CREBRF: variants seen among roughly 807,000 people sequenced by gnomAD.
The protein encoded by CREBRF is CREB3 regulatory factor, also known as UPF0474 protein C5orf41.
A neutral mutation model predicts 66.1 loss-of-function variants in CREBRF; 5 were observed. That is an observed-to-expected ratio of 0.08 (90% CI 0.04 to 0.16). CREBRF has a LOEUF of 0.16. Ranked by LOEUF, CREBRF falls within the 10% of genes least tolerant of loss-of-function variation. The pLI is 1.00. For missense variants in CREBRF, 531 were observed against 744.9 expected (o/e 0.71, Z 3.34); for synonymous variants, 229 against 264.4 (o/e 0.87, Z 1.30).
Position 173,112,233 on chromosome 5 carries a change from T to C in CREBRF, c.1608-73T>C, listed in dbSNP as rs185313741. On this transcript the variant is annotated intron_variant, in intron 6 of 8. Transcript: ENST00000296953. ...AGCCTGGGCAACATAGCGAGACCCCTTCTCCGTAATTAAAAATAATAAAAT... is the reference window on the plus strand; with the variant it reads ...AGCCTGGGCAACATAGCGAGACCCCCTCTCCGTAATTAAAAATAATAAAAT... 646 of 1,102,344 alleles carry C rather than the reference T, an allele frequency of 5.9e-4. 3 individuals carry two copies. In the African/African-American group the frequency reaches 9.7e-3, roughly 17 times the overall value. The allele number at this position is 1,102,344 out of a possible 1,614,324, so 68.3% of individuals were successfully genotyped here. A position where few individuals can be genotyped will look rare whatever the true frequency, so the allele number is the denominator to read the frequency against.
chr5:173,113,841 A>G (rs891993314), intron 7 of CREBRF, among the ~76,000 whole-genome samples: 3 of 152,100 alleles, frequency 2.0e-5, no homozygotes, highest in Admixed American at 2.0e-4. Context: ...GGGGTATGGG[A>G]AGCTCTGGTT....
chr5:173,092,320 G>T, intron 4 of CREBRF: 2 of 981,904 alleles, frequency 2.0e-6, no homozygotes, highest in Non-Finnish European at 2.4e-6. Flanking sequence ...CTGTAATTTG[G>T]TGAGCATGAA....
intron 2 of CREBRF, among the ~76,000 whole-genome samples, chr5:173,082,022 T>TTTTTGTTTG (rs1340788555): frequency 2.2e-5 from 3 of 134,488 alleles, no homozygotes; most frequent in Non-Finnish European, 4.8e-5. Context: ...TTTTTTTTTT[T>TTTTTGTTTG]TTTTTTTTTG....
At chr5:173,066,982 T>G (rs1757454923) in intron 1 of CREBRF, among the ~76,000 whole-genome samples, 1 of 151,858 alleles carries the variant, frequency 6.6e-6, no homozygotes, top group South Asian at 2.1e-4. Flanking sequence ...CCTGATTAAT[T>G]TTTGATTTTT....
intron 4 of CREBRF, chr5:173,092,307 A>T: frequency 1.0e-6 from 1 of 982,380 alleles, no homozygotes; most frequent in Non-Finnish European, 1.2e-6. Context: ...AGAAAAATAC[A>T]TGCTGTAATT....
intron 8 of CREBRF, among the ~76,000 whole-genome samples, chr5:173,126,472 G>A (rs1269668185): frequency 6.6e-6 from 1 of 152,086 alleles, no homozygotes; most frequent in South Asian, 2.1e-4. Context: ...GCTTGCTCCT[G>A]TCCTGCAAGA....
intron 1 of CREBRF, chr5:173,060,573 A>T (rs1317497223): frequency 6.6e-6 from 1 of 152,106 alleles, no homozygotes; most frequent in East Asian, 1.9e-4. Context: ...GCTTGTTTCC[A>T]AGTAGGGTTG....
chr5:173,109,752 C>T (rs959283283), intron 5 of CREBRF: 1 of 152,270 alleles, frequency 6.6e-6, no homozygotes, highest in African/African-American at 2.4e-5. Context: ...AGAATTCCAT[C>T]TGATGTATGT....
intron 4 of CREBRF, chr5:173,092,156 A>G: frequency 1.1e-6 from 1 of 917,220 alleles, no homozygotes; most frequent in Non-Finnish European, 1.3e-6. Flanking sequence ...GAGATAAGTT[A>G]GGAGTATATA....
chr5:173,119,993 A>G (rs1759100644), intron 7 of CREBRF, among the ~76,000 whole-genome samples: 1 of 152,090 alleles, frequency 6.6e-6, no homozygotes, highest in Non-Finnish European at 1.5e-5. Flanking sequence ...CTTCCTTTTT[A>G]TATTGGAATC....
At chr5:173,074,724 G>A (rs1340688018) in intron 1 of CREBRF, among the ~76,000 whole-genome samples, 12 of 152,108 alleles carry the variant, frequency 7.9e-5, no homozygotes, top group Non-Finnish European at 1.5e-4. Flanking sequence ...TGGGGTTCAA[G>A]TGATTCTCCT....
At chr5:173,099,891 G>T in intron 4 of CREBRF, among the ~76,000 whole-genome samples, 2 of 146,436 alleles carry the variant, frequency 1.4e-5, no homozygotes, top group Non-Finnish European at 1.5e-5. Context: ...TTTATATATA[G>T]CTTTTTTTTT....
intron 3 of CREBRF, among the ~76,000 whole-genome samples, chr5:173,087,757 G>A (rs933716566): frequency 6.6e-6 from 1 of 152,028 alleles, no homozygotes; most frequent in African/African-American, 2.4e-5. Context: ...AGGCCGAGGC[G>A]GGTGGATCAC....
chr5:173,106,759 ATTT>A (rs1758760640), intron 4 of CREBRF, among the ~76,000 whole-genome samples: 3 of 151,138 alleles, frequency 2.0e-5, no homozygotes, highest in African/African-American at 7.3e-5. Flanking sequence ...ATTTTATTTT[ATTT>A]TATTGAGATG....
At chr5:173,085,976 A>C in intron 2 of CREBRF, 2 of 1,502,902 alleles carry the variant, frequency 1.3e-6, no homozygotes, top group South Asian at 2.2e-5. Context: ...TGAAAAACAG[A>C]CTAGAAATAC....
At chr5:173,101,380 C>T (rs1189336532) in intron 4 of CREBRF, among the ~76,000 whole-genome samples, 1 of 151,914 alleles carries the variant, frequency 6.6e-6, no homozygotes, top group Non-Finnish European at 1.5e-5. Flanking sequence ...TCTTTCAGCA[C>T]TTTGAATATG....
chr5:173,086,167 C>T (rs1432611693), intron 2 of CREBRF: 6 of 775,896 alleles, frequency 7.7e-6, no homozygotes, highest in Non-Finnish European at 1.4e-5. Context: ...CATGTTTTGC[C>T]AACAGCACCA....
chr5:173,092,418 T>C, intron 4 of CREBRF: 1 of 985,454 alleles, frequency 1.0e-6, no homozygotes, highest in Non-Finnish European at 1.2e-6. Flanking sequence ...CACTTTAGCA[T>C]TTACATGCTT....
intron 1 of CREBRF, among the ~76,000 whole-genome samples, chr5:173,075,869 G>T (rs1463436336): frequency 6.6e-6 from 1 of 150,656 alleles, no homozygotes; most frequent in African/African-American, 2.5e-5. Context: ...TTTACCTCTT[G>T]TCTTAGTCTA....
Sources: allele counts gnomAD v4.1 joint callset (sites outside exome capture counted in the v4.1 genomes callset), GRCh38; gene constraint gnomAD v4.1.1; transcripts MANE v1.5; gene names NCBI Gene and HGNC (gene_info 2026-07-23, HGNC 2026-07-21).